Variants in SLC36A3 observed in about 807,000 individuals in gnomAD.
The protein encoded by SLC36A3 is proton-coupled amino acid transporter 3.
SLC36A3 carries 35 observed loss-of-function variants against 44.3 expected under a neutral mutation model. The observed-to-expected ratio is 0.79, with a 90% CI of 0.60 to 1.05. The LOEUF (loss-of-function observed/expected upper bound fraction) is 1.05, where lower values mean the gene tolerates loss of function less well. Among genes scored for constraint, SLC36A3 ranks in the 50% least tolerant of loss-of-function variants. SLC36A3 has a pLI of 0.00. For synonymous variants in SLC36A3, 211 were observed against 227.6 expected, an observed-to-expected ratio of 0.93 and a Z score of 0.66; for missense variants, 540 against 578.7, an observed-to-expected ratio of 0.93 and a Z score of 0.69.
chr5:151,303,242 C>G lies in SLC36A3; in HGVS notation c.113G>C (p.Gly38Ala). The stretch of plus-strand genomic sequence containing the variant: ...GGCCACTTACGATAGTCCAGCTTCT[C>G]CAGCAGGATGGACATTCTCTGAAGT... ...SITSENVHPAGEAGLSMMQTL... is the reference protein window; with the variant it reads ...SITSENVHPAAEAGLSMMQTL... Residue 38 changes from glycine to alanine, a missense_variant, in exon 1 of 10, where the codon GGA becomes GCA. Coordinates refer to ENST00000335230, the MANE Select transcript of SLC36A3 (RefSeq NM_181774.4). 6.2e-7 allele frequency: 1 copy of G among 1,613,434 alleles called. No individual in the cohort carries two copies. Among genetic ancestry groups the G allele is most frequent in the Non-Finnish European group, 8.5e-7 (1 of 1,179,562 alleles).
Position 151,287,550 on chromosome 5 carries a change from A to G in SLC36A3, c.490-86T>C. On this transcript the variant is annotated intron_variant, in intron 5 of 9. Transcript: ENST00000335230. ...CATTTGAATTTCAGGTAATTAATGT[A>G]ACTTTTTAGTATAAATATGCCCCAA... The G allele has an allele frequency of 4.7e-6, 6 of 1,289,248 alleles. No individual in the cohort carries two copies. In the South Asian group the frequency reaches 8.2e-5, roughly 18 times the overall value. The allele number at this position is 1,289,248 out of a possible 1,614,324, so 79.9% of individuals were successfully genotyped here. A position where few individuals can be genotyped will look rare whatever the true frequency, so the allele number is the denominator to read the frequency against.
chr5:151,288,561 GTTA>G lies in SLC36A3; in HGVS notation c.405-94_405-92del, dbSNP rs1323815969. The G allele has an allele frequency of 2.9e-6, 3 of 1,051,704 alleles. No homozygotes were observed. The East Asian group carries it at 8.9e-5, about 31-fold the overall frequency. The allele number at this position is 1,051,704 out of a possible 1,614,324, so 65.1% of individuals were successfully genotyped here. A position where few individuals can be genotyped will look rare whatever the true frequency, so the allele number is the denominator to read the frequency against. ...TTTACTATTTGAAACAATTATTTTTGTTATTATTTTTAAAAATTTCCCTACTTT... is the reference window on the plus strand; with the variant it reads ...TTTACTATTTGAAACAATTATTTTTGTTATTTTTAAAAATTTCCCTACTTT... On this transcript the variant is annotated intron_variant, in intron 4 of 9. Coordinates refer to ENST00000335230, the MANE Select transcript of SLC36A3 (RefSeq NM_181774.4).
At chr5:151,289,130 T>A (rs1039071772) in intron 4 of SLC36A3, 3 of 153,450 alleles carry the variant, frequency 2.0e-5, no homozygotes, top group African/African-American at 7.2e-5. Flanking sequence ...AAGACTGCAA[T>A]AGCCAGAAAA....
At chr5:151,301,755 T>A (rs942152738) in intron 1 of SLC36A3, among the ~76,000 whole-genome samples, 1 of 147,522 alleles carries the variant, frequency 6.8e-6, no homozygotes, top group African/African-American at 2.5e-5. Context: ...AAACCTCCAG[T>A]CTCTTGCACA....
intron 6 of SLC36A3, among the ~76,000 whole-genome samples, chr5:151,287,016 C>A (rs1396813935): frequency 6.7e-6 from 1 of 149,412 alleles, no homozygotes; most frequent in African/African-American, 2.5e-5. Context: ...CCATTATTAT[C>A]CAATGTGACG....
rs1755236641 is a variant in SLC36A3 at position 151,303,509 on chromosome 5, A to C, written c.-155T>G. The C allele has an allele frequency of 2.7e-6, 2 of 729,246 alleles. No homozygotes were observed. Among genetic ancestry groups the C allele is most frequent in the Non-Finnish European group, 4.3e-6 (2 of 462,056 alleles). The allele number at this position is 729,246 out of a possible 1,614,324, so 45.2% of individuals were successfully genotyped here. ...GCTGGCTGAAGCCTGAAGTGCATGA[A>C]TCAGGGAAGCGGTGGTGGCAGGAGA... On this transcript the variant is annotated 5_prime_UTR_variant, in exon 1 of 10. Transcript: ENST00000335230.
Position 151,281,111 on chromosome 5 carries a change from T to C in SLC36A3, c.1047A>G (p.Pro349=). 1 of 1,614,142 alleles carries C rather than the reference T, an allele frequency of 6.2e-7. No homozygotes were observed. The highest frequency in any genetic ancestry group is 8.5e-7 in the Non-Finnish European group (1 of 1,180,030). The stretch of plus-strand genomic sequence containing the variant: ...TGGCAAACGGGATGATGATCTCAGC[T>C]GGGACGTGGAACTGGAGGGCATAGG... ...FFTYALQFHV[P]AEIIIPFAIS... The change falls in exon 9 of 10, where the codon CCA becomes CCG. Residue 349 remains proline (P), a synonymous_variant. Coordinates refer to ENST00000335230, the MANE Select transcript of SLC36A3 (RefSeq NM_181774.4).
chr5:151,290,121 T>C (rs1475193531), intron 4 of SLC36A3, among the ~76,000 whole-genome samples: 1 of 152,228 alleles, frequency 6.6e-6, no homozygotes, highest in Non-Finnish European at 1.5e-5. Context: ...TATCTTATAC[T>C]CTGTTATTGC....
chr5:151,282,124 T>TG (rs1445120341), intron 8 of SLC36A3, among the ~76,000 whole-genome samples: 20 of 141,296 alleles, frequency 1.4e-4, no homozygotes, highest in African/African-American at 5.5e-4. Flanking sequence ...TTTTTTTTTT[T>TG]TTTTTTTTTT....
Position 151,284,731 on chromosome 5 carries a change from G to C in SLC36A3, c.709-20C>G, listed in dbSNP as rs886549112. 1 of 1,589,008 alleles carries C rather than the reference G, an allele frequency of 6.3e-7. No individual in the cohort carries two copies. Among genetic ancestry groups the C allele is most frequent in the Non-Finnish European group, 8.6e-7 (1 of 1,159,962 alleles). ...AATCCCCTAAAAGAAAGTGGGAGAA[G>C]CACATTGGTGTTGTTATGGTGTCGA... On this transcript the variant is annotated intron_variant, in intron 6 of 9. Coordinates refer to ENST00000335230, the MANE Select transcript of SLC36A3 (RefSeq NM_181774.4).
chr5:151,286,479 G>C (rs1245518471), intron 6 of SLC36A3, among the ~76,000 whole-genome samples: 2 of 152,012 alleles, frequency 1.3e-5, no homozygotes, highest in African/African-American at 4.8e-5. Context: ...TTTTTGTAGA[G>C]GCAGGATTTT....
intron 3 of SLC36A3, 23 bp downstream of exon 3, chr5:151,296,157 T>G (rs983186429): frequency 1.3e-5 from 21 of 1,612,410 alleles, no homozygotes; most frequent in East Asian, 2.2e-5. Context: ...AGTGCTGGAA[T>G]GAGAGAGAAG....
chr5:151,282,415 T>C (rs949033174), intron 8 of SLC36A3, among the ~76,000 whole-genome samples: 2 of 152,122 alleles, frequency 1.3e-5, no homozygotes, highest in Non-Finnish European at 2.9e-5. Flanking sequence ...TGATACGCCC[T>C]CCTCGGCCTC....
At chr5:151,290,551 T>G (rs189400755) in intron 4 of SLC36A3, among the ~76,000 whole-genome samples, 1 of 152,336 alleles carries the variant, frequency 6.6e-6, no homozygotes, top group Non-Finnish European at 1.5e-5. Flanking sequence ...ATACTGAATT[T>G]GTCGGTGTAT....
At chr5:151,293,771 A>C (rs748210719) in intron 3 of SLC36A3, among the ~76,000 whole-genome samples, 1 of 152,072 alleles carries the variant, frequency 6.6e-6, no homozygotes, top group Non-Finnish European at 1.5e-5. Context: ...AGGAGGAGGG[A>C]GGGGAAGAGG....
intron 1 of SLC36A3, among the ~76,000 whole-genome samples, chr5:151,301,645 A>T (rs1030504157): frequency 3.3e-5 from 5 of 151,594 alleles, no homozygotes; most frequent in Non-Finnish European, 5.9e-5. Flanking sequence ...GATTTGAGTG[A>T]TAATAAAACT....
At position 151,277,193 on chromosome 5, in the gene SLC36A3, A is replaced by G. The variant is rs1754118587; in HGVS notation, c.*200T>C. The stretch of plus-strand genomic sequence containing the variant: ...TTTTGGTTCAGAGGTACAAAAGGCC[A>G]TCCAAAAAATATAAAACCAAAAGAG... On this transcript the variant is annotated 3_prime_UTR_variant, in exon 10 of 10. Transcript: ENST00000335230. The G allele has an allele frequency of 1.5e-6, 1 of 686,698 alleles. No homozygotes were observed. Among genetic ancestry groups the G allele is most frequent in the Non-Finnish European group, 2.3e-6 (1 of 427,692 alleles). 42.5% of individuals were successfully genotyped at this position (686,698 alleles called of 1,614,324 possible).
intron 1 of SLC36A3, among the ~76,000 whole-genome samples, chr5:151,299,264 C>CTCTCTCTCTCTATATATA (rs1372309288): frequency 4.5e-4 from 27 of 59,638 alleles, no homozygotes; most frequent in East Asian, 1.8e-3. Flanking sequence ...CTCTCTCTCT[C>CTCTCTCTCTCTATATATA]TATATATATA....
chr5:151,283,500 T>A (rs1355780821), intron 8 of SLC36A3, among the ~76,000 whole-genome samples: 1 of 152,164 alleles, frequency 6.6e-6, no homozygotes, highest in Non-Finnish European at 1.5e-5. Context: ...TAGGATGATA[T>A]CTTGAGTAAA....
Sources: gnomAD v4.1 joint callset for allele counts (sites outside exome capture counted in the v4.1 genomes callset) on GRCh38, gnomAD v4.1.1 for gene constraint, MANE v1.5 for transcripts, NCBI Gene and HGNC (gene_info 2026-07-23, HGNC 2026-07-21) for gene names.